DYNC1I1: variants seen among roughly 807,000 people sequenced by gnomAD.
DYNC1I1 encodes the protein dynein cytoplasmic 1 intermediate chain 1, also known as cytoplasmic dynein 1 intermediate chain 1.
A neutral mutation model predicts 86.6 loss-of-function variants in DYNC1I1; 43 were observed. The observed-to-expected ratio is 0.50, with a 90% CI of 0.39 to 0.64. DYNC1I1 has a LOEUF of 0.64. DYNC1I1 is among the 30% of genes least tolerant of loss of function. The pLI is 0.00. For missense variants in DYNC1I1, 604 were observed against 788.8 expected (o/e 0.77, Z 2.81); for synonymous variants, 262 against 283.7 (o/e 0.92, Z 0.77).
intron 5 of DYNC1I1, among the ~76,000 whole-genome samples, chr7:95,830,366 C>T (rs556647245): frequency 1.3e-5 from 2 of 152,232 alleles, no homozygotes; most frequent in South Asian, 4.1e-4. Flanking sequence ...TACACTCTTG[C>T]TTCTTCCTGT....
rs77850940 is a variant in DYNC1I1, at chr7:95,829,475, G to A, written c.374+1359G>A. Among the ~76,000 whole-genome samples, 944 of 152,110 alleles carry A rather than the reference G, an allele frequency of 6.2e-3. 16 individuals carry two copies. Among genetic ancestry groups the A allele is most frequent in the African/African-American group, 0.022 (910 of 41,488 alleles). On this transcript the variant is annotated intron_variant, in intron 5 of 16. Transcript: ENST00000447467. ...GGCTTAAATAAAGCAGAGAATGTAT[G>A]GTAAGTTATAGTTCAGGGGAACTTC...
At chr7:96,049,115 G>T (rs1328673105) in intron 14 of DYNC1I1, among the ~76,000 whole-genome samples, 1 of 151,932 alleles carries the variant, frequency 6.6e-6, no homozygotes, top group Non-Finnish European at 1.5e-5. Flanking sequence ...AAAATTAGCT[G>T]GGCATGGTGG....
chr7:95,986,678 C>A (rs1793603753), intron 8 of DYNC1I1, among the ~76,000 whole-genome samples: 1 of 151,976 alleles, frequency 6.6e-6, no homozygotes, highest in Non-Finnish European at 1.5e-5. Context: ...ATCAAAGAAT[C>A]CTCTGGTGTG....
At chr7:95,955,605 C>G (rs928815532) in intron 6 of DYNC1I1, among the ~76,000 whole-genome samples, 2 of 152,086 alleles carry the variant, frequency 1.3e-5, no homozygotes, top group Admixed American at 6.5e-5. Context: ...CAATTTAAAA[C>G]AAGAAATAAA....
chr7:95,785,966 C>A (rs1299716551), intron 1 of DYNC1I1, among the ~76,000 whole-genome samples: 1 of 151,676 alleles, frequency 6.6e-6, no homozygotes, highest in African/African-American at 2.4e-5. Context: ...TCATTCTATA[C>A]AGCAAAAGTG....
chr7:95,963,698 T>C (rs1029090263), intron 6 of DYNC1I1, among the ~76,000 whole-genome samples: 2 of 152,200 alleles, frequency 1.3e-5, no homozygotes, highest in African/African-American at 4.8e-5. Flanking sequence ...TTTGGAGGGA[T>C]TGTCAGTAGA....
chr7:96,074,424 A>C (rs531141769), intron 14 of DYNC1I1, among the ~76,000 whole-genome samples: 1 of 152,112 alleles, frequency 6.6e-6, no homozygotes, highest in Admixed American at 6.5e-5. Flanking sequence ...GGTGGCGGGC[A>C]CCTGTAGTCC....
intron 14 of DYNC1I1, among the ~76,000 whole-genome samples, chr7:96,043,448 G>A (rs955040935): frequency 2.0e-5 from 3 of 151,464 alleles, no homozygotes; most frequent in Admixed American, 6.6e-5. Context: ...AACCCAGACC[G>A]CTGGCATATC....
chr7:96,055,710 ATGT>A (rs1203753549), intron 14 of DYNC1I1: 3 of 152,180 alleles, frequency 2.0e-5, no homozygotes, highest in African/African-American at 7.2e-5. Flanking sequence ...AAATACATAG[ATGT>A]TGTAAAAGAA....
At chr7:96,067,445 C>CTTTTT (rs555422571) in intron 14 of DYNC1I1, among the ~76,000 whole-genome samples, 14 of 138,766 alleles carry the variant, frequency 1.0e-4, no homozygotes, top group African/African-American at 2.6e-4. Context: ...TCTTTCTTTC[C>CTTTTT]TTTTTTTTTT....
intron 6 of DYNC1I1, among the ~76,000 whole-genome samples, chr7:95,940,746 T>G (rs750843297): frequency 6.6e-6 from 1 of 152,230 alleles, no homozygotes; most frequent in East Asian, 1.9e-4. Flanking sequence ...TGGTTTGAAT[T>G]TCCTCCTGTA....
chr7:95,976,545 G>C (rs1793306591), intron 6 of DYNC1I1, among the ~76,000 whole-genome samples: 1 of 152,100 alleles, frequency 6.6e-6, no homozygotes, highest in South Asian at 2.1e-4. Context: ...AGATTTTATA[G>C]GTCTGTAAAT....
chr7:96,032,559 G>A (rs1386807209), intron 11 of DYNC1I1, 108 bp from the exon 12 acceptor site: 26 of 835,128 alleles, frequency 3.1e-5, no homozygotes, highest in Non-Finnish European at 4.9e-5. Context: ...TATTATAGTA[G>A]GATTATGTTA....
intron 5 of DYNC1I1, among the ~76,000 whole-genome samples, chr7:95,841,817 C>T (rs1297443930): frequency 1.3e-5 from 2 of 152,178 alleles, no homozygotes; most frequent in Non-Finnish European, 2.9e-5. Context: ...TTTTGATGTG[C>T]AATCTAACCC....
intron 10 of DYNC1I1, among the ~76,000 whole-genome samples, chr7:96,009,048 ATCTG>A (rs1171931312): frequency 1.3e-5 from 2 of 152,196 alleles, no homozygotes; most frequent in East Asian, 3.9e-4. Flanking sequence ...CTATCTGTTT[ATCTG>A]TCTATCTAGC....
intron 5 of DYNC1I1, among the ~76,000 whole-genome samples, chr7:95,861,751 G>A (rs2116125147): frequency 6.6e-6 from 1 of 152,248 alleles, no homozygotes; most frequent in African/African-American, 2.4e-5. Context: ...GGACTTTAGT[G>A]ACGCTCTTGC....
chr7:96,068,866 G>A (rs532119438), intron 14 of DYNC1I1, among the ~76,000 whole-genome samples: 3 of 152,256 alleles, frequency 2.0e-5, no homozygotes, highest in African/African-American at 7.2e-5. Flanking sequence ...AGAGTAAAAG[G>A]TTGGCAGTTT....
intron 8 of DYNC1I1, among the ~76,000 whole-genome samples, chr7:95,986,023 C>CGGGTGTGTGTGTGTGTGT (rs1554426361): frequency 7.5e-6 from 1 of 132,656 alleles, no homozygotes. Context: ...CCTGGCAGGA[C>CGGGTGTGTGTGTGTGTGT]GTGTGTGTGT....
chr7:95,992,866 C>G (rs757379455), intron 9 of DYNC1I1, among the ~76,000 whole-genome samples: 2 of 152,104 alleles, frequency 1.3e-5, no homozygotes, highest in Admixed American at 6.5e-5. Flanking sequence ...CTGCTGGCCT[C>G]AACCTCTGTG....
Sources: allele counts gnomAD v4.1 joint callset (sites outside exome capture counted in the v4.1 genomes callset), GRCh38; gene constraint gnomAD v4.1.1; transcripts MANE v1.5; gene names NCBI Gene and HGNC (gene_info 2026-07-23, HGNC 2026-07-21).